The following RUNX1T1 variants were observed in gnomAD, a reference collection of about 807,000 sequenced individuals.
The protein encoded by RUNX1T1 is protein CBFA2T1.
In RUNX1T1, 4 loss-of-function variants were observed where a neutral mutation model predicts 62.8. That is an observed-to-expected ratio of 0.06 (90% CI 0.03 to 0.15). The LOEUF is 0.15. RUNX1T1 is among the 10% of genes least tolerant of loss of function. The pLI, the probability that RUNX1T1 is intolerant of heterozygous loss-of-function variation, is 1.00. For synonymous variants in RUNX1T1, 291 were observed against 286.0 expected (o/e 1.02, Z -0.18); for missense variants, 508 against 754.3 (o/e 0.67, Z 3.82).
chr8:92,036,829 T>C (rs1043726687), intron 1 of RUNX1T1, among the ~76,000 whole-genome samples: 1 of 152,154 alleles, frequency 6.6e-6, no homozygotes, highest in Non-Finnish European at 1.5e-5. Flanking sequence ...TGTTTCCTTG[T>C]TCTCCTTTGC....
chr8:91,992,410 C>T (rs1335232519), intron 5 of RUNX1T1, among the ~76,000 whole-genome samples: 1 of 152,146 alleles, frequency 6.6e-6, no homozygotes, highest in Non-Finnish European at 1.5e-5. Flanking sequence ...ATGTAAGTTA[C>T]TTAAAATTAA....
intron 1 of RUNX1T1, among the ~76,000 whole-genome samples, chr8:92,097,478 G>C (rs528665289): frequency 1.3e-5 from 2 of 152,010 alleles, no homozygotes; most frequent in Admixed American, 1.3e-4. Flanking sequence ...ACCCTTTATT[G>C]CATTTTAGTT....
chr8:91,980,168 C>T (rs2130756194), intron 8 of RUNX1T1, among the ~76,000 whole-genome samples: 1 of 152,256 alleles, frequency 6.6e-6, no homozygotes, highest in East Asian at 1.9e-4. Flanking sequence ...GTAACCATCT[C>T]CTCTTAATTT....
At chr8:92,072,613 C>T (rs918717041) in intron 2 of RUNX1T1, among the ~76,000 whole-genome samples, 1 of 152,202 alleles carries the variant, frequency 6.6e-6, no homozygotes, top group Admixed American at 6.5e-5. Context: ...ATGAAAACAA[C>T]TGGCATGCTG....
chr8:92,103,235 C>T (rs1468876214), upstream of RUNX1T1: 2 of 269,788 alleles, frequency 7.4e-6, no homozygotes, highest in Non-Finnish European at 1.4e-5. Flanking sequence ...ATGTGGGGCG[C>T]AGGGAATTGC....
intron 1 of RUNX1T1, among the ~76,000 whole-genome samples, chr8:92,053,181 C>T (rs1008450647): frequency 6.6e-6 from 1 of 151,832 alleles, no homozygotes; most frequent in Non-Finnish European, 1.5e-5. Flanking sequence ...ATTATTCTAG[C>T]AATCGCTCTA....
At chr8:92,008,692 A>G (rs1307011843) in intron 4 of RUNX1T1, among the ~76,000 whole-genome samples, 1 of 152,180 alleles carries the variant, frequency 6.6e-6, no homozygotes, top group Non-Finnish European at 1.5e-5. Context: ...ATCCAGAAAC[A>G]GCCTTAATAT....
At chr8:92,049,642 A>G (rs1056715794) in intron 1 of RUNX1T1, among the ~76,000 whole-genome samples, 1 of 152,192 alleles carries the variant, frequency 6.6e-6, no homozygotes, top group Non-Finnish European at 1.5e-5. Flanking sequence ...CTACCAACTG[A>G]GGAGGGGAAG....
intron 1 of RUNX1T1, among the ~76,000 whole-genome samples, chr8:92,048,185 T>G (rs1481793292): frequency 6.6e-6 from 1 of 152,208 alleles, no homozygotes; most frequent in African/African-American, 2.4e-5. Flanking sequence ...ACTGCTTAAA[T>G]GAACATTCAA....
chr8:91,978,300 G>A (rs1486685564), intron 8 of RUNX1T1, among the ~76,000 whole-genome samples: 1 of 152,106 alleles, frequency 6.6e-6, no homozygotes, highest in Non-Finnish European at 1.5e-5. Context: ...CTATAATAAA[G>A]TGAGGACAAT....
chr8:91,990,254 A>T (rs747997614), intron 6 of RUNX1T1, among the ~76,000 whole-genome samples: 86 of 152,226 alleles, frequency 5.6e-4, no homozygotes, highest in Non-Finnish European at 7.5e-4. Context: ...ATTCCCCAGA[A>T]TTCTGTATCC....
At chr8:92,060,171 C>A (rs1454675280) in intron 1 of RUNX1T1, among the ~76,000 whole-genome samples, 1 of 151,900 alleles carries the variant, frequency 6.6e-6, no homozygotes, top group Admixed American at 6.6e-5. Flanking sequence ...CTAGTTGTTA[C>A]AAAAGTGACA....
chr8:92,012,713 G>A (rs1347739919), intron 3 of RUNX1T1, among the ~76,000 whole-genome samples: 1 of 150,352 alleles, frequency 6.7e-6, no homozygotes, highest in African/African-American at 2.5e-5. Context: ...TATAACCTCA[G>A]TTTGCCCATG....
intron 2 of RUNX1T1, among the ~76,000 whole-genome samples, chr8:92,016,732 G>A (rs1247216451): frequency 6.6e-6 from 1 of 152,142 alleles, no homozygotes; most frequent in African/African-American, 2.4e-5. Context: ...AAAGTTTTCT[G>A]TATGATATTG....
chr8:92,087,634 C>G (rs927045038), intron 1 of RUNX1T1, among the ~76,000 whole-genome samples: 2 of 152,044 alleles, frequency 1.3e-5, no homozygotes, highest in African/African-American at 4.8e-5. Flanking sequence ...GGAACTGAGC[C>G]GACTACCTGC....
chr8:91,956,718 C>T (rs1023715968), downstream of RUNX1T1: 3 of 223,722 alleles, frequency 1.3e-5, no homozygotes, highest in African/African-American at 2.2e-5. Flanking sequence ...CTACCATTAA[C>T]TTGTGGTACA....
intron 8 of RUNX1T1, among the ~76,000 whole-genome samples, chr8:91,978,092 T>C (rs1814380630): frequency 6.6e-6 from 1 of 152,180 alleles, no homozygotes; most frequent in Non-Finnish European, 1.5e-5. Flanking sequence ...AAACATTTTT[T>C]TTTTATTAAA....
exon 11 of RUNX1T1, chr8:91,959,678 T>A: frequency 4.4e-6 from 1 of 228,772 alleles, no homozygotes. Context: ...CTGCTGCACA[T>A]CTGCGCGTTT....
intron 5 of RUNX1T1, among the ~76,000 whole-genome samples, chr8:92,004,128 C>T (rs552408454): frequency 2.6e-5 from 4 of 152,282 alleles, no homozygotes; most frequent in African/African-American, 9.6e-5. Context: ...TGTCTCTGAG[C>T]AGCTCCAAAG....
Sources: gnomAD v4.1 joint callset for allele counts (sites outside exome capture counted in the v4.1 genomes callset) on GRCh38, gnomAD v4.1.1 for gene constraint, MANE v1.5 for transcripts, NCBI Gene and HGNC (gene_info 2026-07-23, HGNC 2026-07-21) for gene names.